TMPRSS13: variants seen among roughly 807,000 people sequenced by gnomAD.
TMPRSS13 encodes transmembrane protease serine 13.
TMPRSS13 carries 50 observed loss-of-function variants against 68.4 expected under a neutral mutation model. That is an observed-to-expected ratio of 0.73 (90% CI 0.58 to 0.93). TMPRSS13 has a LOEUF of 0.93. Ranked by LOEUF, TMPRSS13 falls within the 40% of genes least tolerant of loss-of-function variation. The pLI is 0.00. For synonymous variants in TMPRSS13, 267 were observed against 285.8 expected (o/e 0.93, Z 0.66); for missense variants, 615 against 729.2 (o/e 0.84, Z 1.80).
At chr11:117,905,814 A>C in intron 9 of TMPRSS13, 78 bp from the exon 10 acceptor site, 1 of 1,092,186 alleles carries the variant, frequency 9.2e-7, no homozygotes, top group East Asian at 2.8e-5. Context: ...GAGCACAACC[A>C]CTCTGGGGGC....
chr11:117,929,259 C>T, intron 1 of TMPRSS13, 28 bp downstream of exon 1: 1 of 1,593,650 alleles, frequency 6.3e-7, no homozygotes, highest in Non-Finnish European at 8.5e-7. Flanking sequence ...CTGGGAGAAT[C>T]TGGCCCGAGG....
chr11:117,917,316 G>A (rs752718448), intron 2 of TMPRSS13, 42 bp from the exon 3 acceptor site: 2 of 1,502,812 alleles, frequency 1.3e-6, no homozygotes, highest in Admixed American at 3.5e-5. Context: ...GGCTGGAGAG[G>A]AGTCCGACGA....
At chr11:117,926,887 T>C (rs1372767411) in intron 1 of TMPRSS13, among the ~76,000 whole-genome samples, 3 of 152,178 alleles carry the variant, frequency 2.0e-5, no homozygotes, top group Non-Finnish European at 4.4e-5. Flanking sequence ...TCTATCTCTA[T>C]CTCTCTATGC....
At chr11:117,904,849 T>G (rs552946452) in intron 10 of TMPRSS13, among the ~76,000 whole-genome samples, 88 of 128,500 alleles carry the variant, frequency 6.8e-4, no homozygotes, top group African/African-American at 2.3e-3. Context: ...CACTTAGAGC[T>G]CCTAGATAAG....
chr11:117,913,991 G>GA, intron 4 of TMPRSS13, 85 bp from the exon 5 acceptor site: 3 of 1,508,292 alleles, frequency 2.0e-6, no homozygotes, highest in Non-Finnish European at 2.7e-6. Flanking sequence ...GAGGCTTTGA[G>GA]AAAGCGCTTG....
At chr11:117,917,840 A>C (rs949004130) in intron 2 of TMPRSS13, among the ~76,000 whole-genome samples, 7 of 152,316 alleles carry the variant, frequency 4.6e-5, no homozygotes, top group African/African-American at 1.7e-4. Context: ...GGAGGAGGGC[A>C]GCATCGGAGT....
chr11:117,908,013 T>C lies in TMPRSS13; in HGVS notation c.1282+599A>G, dbSNP rs932665893. The C allele has an allele frequency of 1.6e-5, 16 of 992,384 alleles. 1 individual carries two copies. The East Asian group carries it at 4.4e-4, about 27-fold the overall frequency. 61.5% of individuals were successfully genotyped at this position (992,384 alleles called of 1,614,324 possible). Reference sequence around the variant, plus strand: ...CCTCCTTTGGTCCTTAGCAACAACGTTGTAGCAATTAGTTGTTTGAATGTG... The same window carrying C: ...CCTCCTTTGGTCCTTAGCAACAACGCTGTAGCAATTAGTTGTTTGAATGTG... On this transcript the variant is annotated intron_variant, in intron 9 of 12. Coordinates refer to ENST00000524993, the MANE Select transcript of TMPRSS13 (RefSeq NM_001077263.3).
chr11:117,904,319 T>C (rs686992), intron 10 of TMPRSS13, among the ~76,000 whole-genome samples: 64,179 of 152,044 alleles, frequency 0.42, 13,927 homozygotes, highest in East Asian at 0.65. Flanking sequence ...CACAGCTCAC[T>C]GCACGTGAGA....
At position 117,922,325 on chromosome 11, in the gene TMPRSS13, C is replaced by A. The variant is rs1052481427; in HGVS notation, c.22-3487G>T. On this transcript the variant is annotated intron_variant, in intron 1 of 12. Coordinates refer to ENST00000524993, the MANE Select transcript of TMPRSS13 (RefSeq NM_001077263.3). This position sits in a 1 kb window ranked among gnomAD's most constrained non-coding sequence, Gnocchi z 4.2. ...TCTCGGCTCACTGCAACCTCCACCT[C>A]CCGGGTTCAAGTGATTCTCCTTCCT... Among the ~76,000 whole-genome samples the A allele has an allele frequency of 3.9e-5, 6 of 152,180 alleles. No individual in the cohort carries two copies. The highest frequency in any genetic ancestry group is 1.3e-4 in the Admixed American group (2 of 15,290).
In TMPRSS13 at chr11:117,904,057, C is replaced by T. The variant is rs773942328; in HGVS notation, c.1426G>A (p.Asp476Asn). The T allele has an allele frequency of 1.5e-5, 25 of 1,613,884 alleles. No homozygotes were observed. Among genetic ancestry groups the T allele is most frequent in the South Asian group, 8.8e-5 (8 of 91,006 alleles). Residue 476 changes from aspartate to asparagine, a missense_variant, in exon 11 of 13, where the codon GAC (aspartate) becomes AAC (asparagine). Coordinates refer to ENST00000524993, the MANE Select transcript of TMPRSS13 (RefSeq NM_001077263.3). ...AAGTAGTCATTGCATTTCTTGAAGT[C>T]GATGAGATTGACCTGCACCTCCCGG... ...FLREVQVNLI[D>N]FKKCNDYLVY...
At chr11:117,921,065 G>A (rs1444612992) in intron 1 of TMPRSS13, among the ~76,000 whole-genome samples, 2 of 152,100 alleles carry the variant, frequency 1.3e-5, no homozygotes, top group Non-Finnish European at 2.9e-5. Context: ...CCAACCTCTT[G>A]ACAGCTCTTT....
chr11:117,901,038 G>C lies in TMPRSS13; in HGVS notation c.*1201C>G, dbSNP rs1008205287. ...AGGGCCAACTTAGATCCTTCAGCAG[G>C]GCTGCCTGGAAGGCATGGGACCATG... is the stretch of plus-strand genomic sequence containing the variant. On this transcript the variant is annotated 3_prime_UTR_variant, in exon 13 of 13. Transcript: ENST00000524993. 1 of 152,278 alleles carries C rather than the reference G, an allele frequency of 6.6e-6. No homozygotes were observed. Among genetic ancestry groups the C allele is most frequent in the Non-Finnish European group, 1.5e-5 (1 of 68,066 alleles). 9.4% of individuals were successfully genotyped at this position (152,278 alleles called of 1,614,324 possible). A position where few individuals can be genotyped will look rare whatever the true frequency, so the allele number is the denominator to read the frequency against.
intron 6 of TMPRSS13, 49 bp downstream of exon 6, chr11:117,911,719 C>A (rs538976268): frequency 5.3e-6 from 8 of 1,511,792 alleles, no homozygotes; most frequent in South Asian, 4.6e-5. Flanking sequence ...CCTCTCCTAC[C>A]CACTCCTTCC....
chr11:117,917,271 G>T lies in TMPRSS13; in HGVS notation c.455C>A (p.Thr152Lys). Residue 152 changes from threonine (T) to lysine (K), a missense_variant, in exon 3 of 13, where the codon ACG becomes AAG. Thr to Lys is a moderately conservative substitution (Grantham distance 78). Transcript: ENST00000524993. Reference sequence around the variant, plus strand: ...CCGCCAGGTGAACTTGGGCAGGCTCGTACCTAGGAGCAGGGCGGCAGCAGG... The same window carrying T: ...CCGCCAGGTGAACTTGGGCAGGCTCTTACCTAGGAGCAGGGCGGCAGCAGG... ...ATRATRESPG[T>K]SLPKFTWREG... 6.2e-7 allele frequency: 1 copy of T among 1,611,174 alleles called. No homozygotes were observed. The highest frequency in any genetic ancestry group is 8.5e-7 in the Non-Finnish European group (1 of 1,179,538).
intron 12 of TMPRSS13, chr11:117,903,192 T>C (rs1565343831): frequency 7.2e-7 from 1 of 1,395,982 alleles, no homozygotes; most frequent in Non-Finnish European, 9.3e-7. Context: ...ATGGAGTCAC[T>C]TGTGTTTTTA....
intron 1 of TMPRSS13, among the ~76,000 whole-genome samples, chr11:117,920,263 A>C (rs1241892486): frequency 2.0e-5 from 3 of 152,178 alleles, no homozygotes; most frequent in East Asian, 1.9e-4. Flanking sequence ...GAGGTCACAG[A>C]TCATGCCTGT....
At chr11:117,907,199 T>C (rs2057471482) in intron 9 of TMPRSS13, among the ~76,000 whole-genome samples, 1 of 152,188 alleles carries the variant, frequency 6.6e-6, no homozygotes, top group South Asian at 2.1e-4. Context: ...CCTGCTCTGG[T>C]CCTGCAGTCT....
rs547146568 is a variant in TMPRSS13, at chr11:117,916,376, TCTTCATCTGGC to T, written c.556+783_556+793del. Among the ~76,000 whole-genome samples, 846 of 152,340 alleles carry T rather than the reference TCTTCATCTGGC, an allele frequency of 5.6e-3. 10 individuals are homozygous for T. Among genetic ancestry groups the T allele is most frequent in the African/African-American group, 0.019 (793 of 41,576 alleles). On this transcript the variant is annotated intron_variant, in intron 3 of 12. Coordinates refer to ENST00000524993, the MANE Select transcript of TMPRSS13 (RefSeq NM_001077263.3). ...CATAATTGCTGTCCCACCTTCCAGG[TCTTCATCTGGC>T]CCCACAGCTGTAAGAAGCTATCCCC...
chr11:117,903,985 G>A lies in TMPRSS13; in HGVS notation c.1498C>T (p.Leu500Phe). ...LTPRMMCAGD[L>F]RGGRDSCQGD... The stretch of plus-strand genomic sequence containing the variant: ...TGGCAGGAGTCTCTGCCCCCACGAA[G>A]GTCCCCAGCACACATCATCCTTGGG... The change falls in exon 11 of 13, where the codon CTT becomes TTT. Residue 500 changes from leucine (L) to phenylalanine (F), a missense_variant. Coordinates refer to ENST00000524993, the MANE Select transcript of TMPRSS13 (RefSeq NM_001077263.3). 1 of 1,612,932 alleles carries A rather than the reference G, an allele frequency of 6.2e-7. No homozygotes were observed. The highest frequency in any genetic ancestry group is 1.1e-5 in the South Asian group (1 of 90,716).
Sources: allele counts gnomAD v4.1 joint callset (sites outside exome capture counted in the v4.1 genomes callset), GRCh38; gene constraint gnomAD v4.1.1; non-coding constraint Gnocchi (gnomAD v3.1); transcripts MANE v1.5; gene names NCBI Gene and HGNC (gene_info 2026-07-23, HGNC 2026-07-21).